Variants in DERL3 observed in about 807,000 individuals in gnomAD.
The protein encoded by DERL3 is derlin-3.
A neutral mutation model predicts 23.8 loss-of-function variants in DERL3; 20 were observed. That is an observed-to-expected ratio of 0.84 (90% CI 0.59 to 1.22). DERL3 has a LOEUF of 1.22. DERL3 is among the 50% of genes most tolerant of loss of function. The probability of loss-of-function intolerance (pLI) is 0.00; values close to 1 mark genes in which losing one functional copy is unlikely to be tolerated. For synonymous variants in DERL3, 145 were observed against 132.5 expected, an observed-to-expected ratio of 1.09 and a Z score of -0.65; for missense variants, 319 against 304.1, an observed-to-expected ratio of 1.05 and a Z score of -0.36.
chr22:23,834,686 G>T lies in DERL3; in HGVS notation c.*2183C>A, dbSNP rs2030893738. The T allele has an allele frequency of 6.5e-6, 8 of 1,222,076 alleles. No homozygotes were observed. In the South Asian group the frequency reaches 1.2e-4, roughly 18 times the overall value. The allele number at this position is 1,222,076 out of a possible 1,614,324, so 75.7% of individuals were successfully genotyped here. Reference sequence around the variant, plus strand: ...CAGGTGGGGGTGAATGGGGCTCCGGGTAGCACCTCAGCTCCTCTCAGCTCC... The same window carrying T: ...CAGGTGGGGGTGAATGGGGCTCCGGTTAGCACCTCAGCTCCTCTCAGCTCC... On this transcript the variant is annotated 3_prime_UTR_variant, in exon 7 of 7. Coordinates refer to ENST00000318109, the MANE Select transcript of DERL3 (RefSeq NM_001002862.3).
Position 23,835,414 on chromosome 22 carries a change from C to T in DERL3, c.*1455G>A. On this transcript the variant is annotated 3_prime_UTR_variant, in exon 7 of 7. Transcript: ENST00000318109. ...GCCAGGGCAGGGCTAGGGTCAGAGG[C>T]TGCTGTGCTCCCTGGAAGTGGGGTA... is the stretch of plus-strand genomic sequence containing the variant. 1.7e-5 allele frequency: 17 copies of T among 987,374 alleles called. No individual in the cohort carries two copies. Among genetic ancestry groups the T allele is most frequent in the Non-Finnish European group, 2.0e-5 (17 of 831,342 alleles). The allele number at this position is 987,374 out of a possible 1,614,324, so 61.2% of individuals were successfully genotyped here.
Position 23,837,840 on chromosome 22 carries a change from C to T in DERL3, c.342G>A (p.Leu114=), listed in dbSNP as rs781533377. ...CCTGGCCCAGGAAGAACAGGCTGCCCAGGAGTCCCAGCAGCTGGGCCAGAG... is the reference window on the plus strand; with the variant it reads ...CCTGGCCCAGGAAGAACAGGCTGCCTAGGAGTCCCAGCAGCTGGGCCAGAG... The part of the protein sequence containing the change: ...GGVLMTLLGL[L]GSLFFLGQAL... Residue 114 remains leucine (L), a synonymous_variant, in exon 5 of 7, where the codon CTG becomes CTA. Transcript: ENST00000318109. 24 of 1,612,000 alleles carry T rather than the reference C, an allele frequency of 1.5e-5. 1 individual carries two copies. In the African/African-American group the frequency reaches 1.9e-4, roughly 13 times the overall value.
intron 5 of DERL3, 148 bp from the exon 6 acceptor site, chr22:23,837,302 C>G (rs1270705666): frequency 1.9e-6 from 2 of 1,060,456 alleles, no homozygotes; most frequent in Non-Finnish European, 2.7e-6. Context: ...AGTGCCAGCC[C>G]CGGGTTGGCC....
At chr22:23,837,567 A>G in intron 5 of DERL3, 92 bp downstream of exon 5, 1 of 1,342,504 alleles carries the variant, frequency 7.4e-7, no homozygotes, top group Admixed American at 2.2e-5. Flanking sequence ...GGAGAACTCC[A>G]GCAAGGATGG....
chr22:23,837,863 G>C lies in DERL3; in HGVS notation c.328-9C>G, dbSNP rs775095795. ...CCCAGGAGTCCCAGCAGCTGGGCCA[G>C]AGTCAAGGTGCTCCGGTGCAGGCCT... On this transcript the variant is annotated splice_polypyrimidine_tract_variant and intron_variant, in intron 4 of 6. Transcript: ENST00000318109. The C allele has an allele frequency of 4.0e-5, 65 of 1,608,258 alleles. 1 individual carries two copies. The South Asian group carries it at 4.5e-4, about 11-fold the overall frequency.
chr22:23,836,670 C>T lies in DERL3; in HGVS notation c.*199G>A, dbSNP rs1455065055. ...GCTGAGAGGCCACACTGAGTGAGGA[C>T]GGGGCAGGCATAGAAGGATGTGGCC... On this transcript the variant is annotated 3_prime_UTR_variant, in exon 7 of 7. Coordinates refer to ENST00000318109, the MANE Select transcript of DERL3 (RefSeq NM_001002862.3). The T allele has an allele frequency of 1.0e-5, 13 of 1,276,264 alleles. No individual in the cohort carries two copies. The highest frequency in any genetic ancestry group is 2.9e-4 in the Middle Eastern group (1 of 3,462). 79.1% of individuals were successfully genotyped at this position (1,276,264 alleles called of 1,614,324 possible).
Position 23,838,938 on chromosome 22 carries a change from GT to G in DERL3, c.49del (p.Thr17ArgfsTer92), listed in dbSNP as rs1689891587. 7.0e-6 allele frequency: 11 copies of G among 1,581,226 alleles called. No homozygotes were observed. Among genetic ancestry groups the G allele is most frequent in the Non-Finnish European group, 7.7e-6 (9 of 1,163,808 alleles). Reference protein sequence around the residue: ...AAEFLQVPAVTRAYTAACVLT... With the variant: ...AAEFLQVPAVXRAYTAACVLT... ...GACACAGGCTGCGGTGTAAGCCCGC[GT>G]CACCGCCGGCACCTGCAGGAACTCG... On this transcript the variant is annotated frameshift_variant, in exon 1 of 7. Coordinates refer to ENST00000318109, the MANE Select transcript of DERL3 (RefSeq NM_001002862.3). LOFTEE classifies it high-confidence loss of function.
At position 23,836,935 on chromosome 22, in the gene DERL3, T is replaced by A; in HGVS notation, c.642A>T (p.Glu214Asp). 6.4e-7 allele frequency: 1 copy of A among 1,571,630 alleles called. No individual in the cohort carries two copies. Among genetic ancestry groups the A allele is most frequent in the Non-Finnish European group, 8.6e-7 (1 of 1,160,412 alleles). The change falls in exon 7 of 7, where the codon GAA (glutamate) becomes GAT (aspartate). Residue 214 changes from glutamate to aspartate, a missense_variant. Coordinates refer to ENST00000318109, the MANE Select transcript of DERL3 (RefSeq NM_001002862.3). ...FLKLLLDAPAEDPNYLPLPEE... is the reference protein window; with the variant it reads ...FLKLLLDAPADDPNYLPLPEE... ...CAGGGAGGGGCAGGTAATTGGGGTC[T>A]TCTGCAGGGGCATCCAGGAGCAGCT... is the stretch of plus-strand genomic sequence containing the variant.
intron 4 of DERL3, 128 bp downstream of exon 4, chr22:23,838,224 T>A (rs1396252103): frequency 1.3e-6 from 2 of 1,549,750 alleles, no homozygotes; most frequent in African/African-American, 2.7e-5. Flanking sequence ...GAGTGGGCCC[T>A]CAACACATAC....
Position 23,835,798 on chromosome 22 carries a change from T to C in DERL3, c.*1071A>G. On this transcript the variant is annotated 3_prime_UTR_variant, in exon 7 of 7. Transcript: ENST00000318109. The stretch of plus-strand genomic sequence containing the variant: ...CACAACTGGGGGGATGGAAGGAACC[T>C]TGGCTGCCTCACCCCACAGGTCGGG... The C allele has an allele frequency of 2.0e-6, 2 of 985,500 alleles. No individual in the cohort carries two copies. Among genetic ancestry groups the C allele is most frequent in the Non-Finnish European group, 2.4e-6 (2 of 829,968 alleles). The allele number at this position is 985,500 out of a possible 1,614,324, so 61.0% of individuals were successfully genotyped here.
In DERL3 at chr22:23,838,761, T is replaced by C; in HGVS notation, c.109A>G (p.Ser37Gly). The part of the protein sequence containing the change: ...TTAAVQLELL[S>G]PFQLYFNPHL... ...GGGTTGAAGTAGAGTTGAAAGGGGC[T>C]GAGGAGCTCCAGCTGCTGTGGAACC... The change falls in exon 2 of 7, where the codon AGC (serine) becomes GGC (glycine). Residue 37 changes from serine (S) to glycine (G), a missense_variant. Physicochemically the swap from Ser to Gly is moderately conservative, Grantham distance 56. Coordinates refer to ENST00000318109, the MANE Select transcript of DERL3 (RefSeq NM_001002862.3). 1 of 1,551,280 alleles carries C rather than the reference T, an allele frequency of 6.4e-7. No individual in the cohort carries two copies. The highest frequency in any genetic ancestry group is 2.4e-5 in the East Asian group (1 of 40,898).
chr22:23,838,728 C>T lies in DERL3; in HGVS notation c.142G>A (p.Val48Met). The change falls in exon 2 of 7, where the codon GTG becomes ATG. Residue 48 changes from valine (V) to methionine (M), a missense_variant. Coordinates refer to ENST00000318109, the MANE Select transcript of DERL3 (RefSeq NM_001002862.3). ...GGCCTCACCTGGAACTTCCGGAACA[C>T]AAGGTGCGGGTTGAAGTAGAGTTGA... ...PFQLYFNPHL[V>M]FRKFQVWRLV... The T allele has an allele frequency of 6.4e-7, 1 of 1,550,964 alleles. No individual in the cohort carries two copies. Among genetic ancestry groups the T allele is most frequent in the Non-Finnish European group, 8.7e-7 (1 of 1,146,736 alleles).
In DERL3 at chr22:23,836,316, TGAGA is replaced by T. The variant is rs2031043509; in HGVS notation, c.*549_*552del. 2.0e-6 allele frequency: 2 copies of T among 985,372 alleles called. No individual in the cohort carries two copies. The highest frequency in any genetic ancestry group is 2.4e-6 in the Non-Finnish European group (2 of 829,962). 61.0% of individuals were successfully genotyped at this position (985,372 alleles called of 1,614,324 possible). On this transcript the variant is annotated 3_prime_UTR_variant, in exon 7 of 7. Transcript: ENST00000318109. ...TACGCCCACCTGTCAGGGTGGCTGATGAGAGACAGGAGAGGCTAGATTGGCATCA... is the reference window on the plus strand; with the variant it reads ...TACGCCCACCTGTCAGGGTGGCTGATGACAGGAGAGGCTAGATTGGCATCA...
At position 23,836,657 on chromosome 22, in the gene DERL3, C is replaced by T; in HGVS notation, c.*212G>A. The T allele has an allele frequency of 7.9e-7, 1 of 1,262,664 alleles. No homozygotes were observed. Among genetic ancestry groups the T allele is most frequent in the Non-Finnish European group, 9.9e-7 (1 of 1,009,148 alleles). 78.2% of individuals were successfully genotyped at this position (1,262,664 alleles called of 1,614,324 possible). A position where few individuals can be genotyped will look rare whatever the true frequency, so the allele number is the denominator to read the frequency against. On this transcript the variant is annotated 3_prime_UTR_variant, in exon 7 of 7. Transcript: ENST00000318109. Reference sequence around the variant, plus strand: ...CACCTGCAGTTGGGCTGAGAGGCCACACTGAGTGAGGACGGGGCAGGCATA... The same window carrying T: ...CACCTGCAGTTGGGCTGAGAGGCCATACTGAGTGAGGACGGGGCAGGCATA...
Position 23,834,657 on chromosome 22 carries a change from TGG to T in DERL3, c.*2210_*2211del. ...CCCTCCTCTGCCTCAGATTCCCAAG[TGG>T]GCAGGTGGGGGTGAATGGGGCTCCG... is the stretch of plus-strand genomic sequence containing the variant. On this transcript the variant is annotated 3_prime_UTR_variant, in exon 7 of 7. Coordinates refer to ENST00000318109, the MANE Select transcript of DERL3 (RefSeq NM_001002862.3). The T allele has an allele frequency of 1.1e-6, 1 of 948,066 alleles. No homozygotes were observed. The highest frequency in any genetic ancestry group is 2.6e-5 in the East Asian group (1 of 38,058). The allele number at this position is 948,066 out of a possible 1,614,324, so 58.7% of individuals were successfully genotyped here. A position where few individuals can be genotyped will look rare whatever the true frequency, so the allele number is the denominator to read the frequency against.
At position 23,835,779 on chromosome 22, in the gene DERL3, T is replaced by TG; in HGVS notation, c.*1089dup. 7.1e-6 allele frequency: 7 copies of TG among 985,408 alleles called. No individual in the cohort carries two copies. The highest frequency in any genetic ancestry group is 8.4e-6 in the Non-Finnish European group (7 of 829,918). 61.0% of individuals were successfully genotyped at this position (985,408 alleles called of 1,614,324 possible). The stretch of plus-strand genomic sequence containing the variant: ...TGAGGCAGCCCTGTGTCTCCACAAC[T>TG]GGGGGGATGGAAGGAACCTTGGCTG... On this transcript the variant is annotated 3_prime_UTR_variant, in exon 7 of 7. Coordinates refer to ENST00000318109, the MANE Select transcript of DERL3 (RefSeq NM_001002862.3).
At chr22:23,837,297 C>T (rs1316514125) in intron 5 of DERL3, 143 bp from the exon 6 acceptor site, 2 of 1,121,096 alleles carry the variant, frequency 1.8e-6, no homozygotes, top group East Asian at 2.6e-5. Context: ...CACAGAGTGC[C>T]AGCCCCGGGT....
rs1310835587 is a variant in DERL3, at chr22:23,838,889, G to C, written c.93+6C>G. 2 of 1,558,872 alleles carry C rather than the reference G, an allele frequency of 1.3e-6. No homozygotes were observed. Among genetic ancestry groups the C allele is most frequent in the Non-Finnish European group, 1.7e-6 (2 of 1,151,332 alleles). On this transcript the variant is annotated splice_donor_region_variant and intron_variant, in intron 1 of 6. Transcript: ENST00000318109. ...AAGGCGACGTCCGGTCCGCCCGGCC[G>C]CTTACCACCGCGGCGGTGGTGAGGA...
Position 23,834,632 on chromosome 22 carries a change from C to A in DERL3, c.*2237G>T, listed in dbSNP as rs188701155. The A allele has an allele frequency of 4.2e-4, 348 of 823,088 alleles. 1 individual carries two copies. The African/African-American group carries it at 5.5e-3, about 13-fold the overall frequency. 51.0% of individuals were successfully genotyped at this position (823,088 alleles called of 1,614,324 possible). A position where few individuals can be genotyped will look rare whatever the true frequency, so the allele number is the denominator to read the frequency against. On this transcript the variant is annotated 3_prime_UTR_variant, in exon 7 of 7. Transcript: ENST00000318109. ...GAACAAGGTTGGCACACAGGCCTCA[C>A]CCTCCTCTGCCTCAGATTCCCAAGT...
Sources: allele counts gnomAD v4.1 joint callset, GRCh38; gene constraint gnomAD v4.1.1; transcripts MANE v1.5; gene names NCBI Gene and HGNC (gene_info 2026-07-23, HGNC 2026-07-21).